Variants in CLIC5 observed in about 807,000 individuals in gnomAD.
CLIC5 encodes the protein CLIC family member 5.
Under a neutral mutation model 24.7 loss-of-function variants are expected in CLIC5, and 20 were observed. The observed-to-expected ratio is 0.81, with a 90% CI of 0.57 to 1.18. The LOEUF (loss-of-function observed/expected upper bound fraction) is 1.18, where lower values mean the gene tolerates loss of function less well. CLIC5 is among the 50% of genes most tolerant of loss of function. The pLI, the probability that CLIC5 is intolerant of heterozygous loss-of-function variation, is 0.00. For missense variants in CLIC5, 341 were observed against 326.1 expected, an observed-to-expected ratio of 1.05 and a Z score of -0.35; for synonymous variants, 159 against 135.6, an observed-to-expected ratio of 1.17 and a Z score of -1.20.
At chr6:46,060,983 C>T (rs929932589) in intron 1 of CLIC5, among the ~76,000 whole-genome samples, 2 of 152,176 alleles carry the variant, frequency 1.3e-5, no homozygotes, top group Non-Finnish European at 2.9e-5. Context: ...GCAGTATCTG[C>T]ACATTAGGTA....
At chr6:46,100,259 A>T in the CLIC5 span, among the ~76,000 whole-genome samples, 1 of 152,256 alleles carries the variant, frequency 6.6e-6, no homozygotes, top group African/African-American at 2.4e-5. Context: ...GGATATTGCC[A>T]GGAAAAAACA....
At chr6:46,125,368 T>C in the CLIC5 span, among the ~76,000 whole-genome samples, 2 of 151,996 alleles carry the variant, frequency 1.3e-5, no homozygotes, top group South Asian at 2.1e-4. Flanking sequence ...TAGGTGGGAA[T>C]TGAACAATGA....
chr6:46,068,353 T>TAC (rs1762499106), intron 1 of CLIC5, among the ~76,000 whole-genome samples: 1 of 152,162 alleles, frequency 6.6e-6, no homozygotes, highest in Non-Finnish European at 1.5e-5. Flanking sequence ...CTACCACTCT[T>TAC]ACTACTGCTG....
At chr6:46,093,791 GA>G in the CLIC5 span, among the ~76,000 whole-genome samples, 2 of 152,150 alleles carry the variant, frequency 1.3e-5, no homozygotes, top group African/African-American at 4.8e-5. Flanking sequence ...ATTTATCAAA[GA>G]AAGATGAAAA....
At chr6:45,942,820 A>T (rs1764177748) in intron 3 of CLIC5, among the ~76,000 whole-genome samples, 1 of 152,248 alleles carries the variant, frequency 6.6e-6, no homozygotes, top group South Asian at 2.1e-4. Flanking sequence ...CCATTGGAAG[A>T]GTCCAGCTCT....
At chr6:45,957,720 G>A (rs1363317589) in intron 1 of CLIC5, among the ~76,000 whole-genome samples, 3 of 152,208 alleles carry the variant, frequency 2.0e-5, no homozygotes, top group African/African-American at 7.2e-5. Context: ...ATGCGAGGAT[G>A]CTACCATTTA....
At chr6:45,914,613 A>G (rs1561927805) in intron 4 of CLIC5, 9 of 981,332 alleles carry the variant, frequency 9.2e-6, no homozygotes, top group Non-Finnish European at 1.2e-5. Context: ...ACTCTAACCA[A>G]ACAATAAACA....
chr6:46,081,253 G>C (rs1762914978), upstream of CLIC5, among the ~76,000 whole-genome samples: 1 of 152,124 alleles, frequency 6.6e-6, no homozygotes, highest in African/African-American at 2.4e-5. Context: ...TTTTAATCTG[G>C]TACTCTATCC....
intron 5 of CLIC5, among the ~76,000 whole-genome samples, chr6:45,906,236 T>C (rs72871415): frequency 0.02 from 2,972 of 152,282 alleles, 41 homozygotes; most frequent in Admixed American, 0.034. Context: ...TAGTTTTTTC[T>C]AGTTATGTGA....
At chr6:46,063,642 A>C (rs973937754) in intron 1 of CLIC5, among the ~76,000 whole-genome samples, 9 of 152,204 alleles carry the variant, frequency 5.9e-5, no homozygotes, top group African/African-American at 2.2e-4. Context: ...GGAGAAAACT[A>C]TCAAGTATGG....
chr6:46,096,970 T>C, the CLIC5 span: 1 of 152,238 alleles, frequency 6.6e-6, no homozygotes, highest in South Asian at 2.1e-4. Flanking sequence ...CCTAGGGGGA[T>C]GGGATATTCT....
intron 1 of CLIC5, among the ~76,000 whole-genome samples, chr6:46,043,768 A>G (rs1433493877): frequency 7.1e-6 from 1 of 141,360 alleles, no homozygotes; most frequent in East Asian, 2.0e-4. Flanking sequence ...GCACTGTGCT[A>G]TGTCTCCATT....
In CLIC5 at chr6:46,051,445, G is replaced by C. The variant is rs574253855; in HGVS notation, c.540+28258C>G. Among the ~76,000 whole-genome samples the C allele has an allele frequency of 1.5e-4, 23 of 152,288 alleles. 1 individual carries two copies. The South Asian group carries it at 4.1e-3, about 27-fold the overall frequency. On this transcript the variant is annotated intron_variant, in intron 1 of 5. Coordinates refer to the CLIC5 transcript ENST00000185206. ...GATTGCTGAGTCTCTTGTTTCTCTA[G>C]CTCAAGTCTTCACTTGTAAAGTGAG...
chr6:45,955,113 T>G, intron 2 of CLIC5, 22 bp downstream of exon 2: 1 of 1,563,852 alleles, frequency 6.4e-7, no homozygotes, highest in Non-Finnish European at 8.8e-7. Flanking sequence ...AACATACTCC[T>G]CATTTATGCA....
chr6:45,896,182 ATTTAC>A (rs1195469890), downstream of CLIC5, among the ~76,000 whole-genome samples: 1 of 152,180 alleles, frequency 6.6e-6, no homozygotes, highest in East Asian at 1.9e-4. Context: ...ATACTCTGAA[ATTTAC>A]TTTAAAAGAA....
rs1214234051 is a variant in CLIC5, at chr6:45,902,594, C to T, written c.*494G>A. ...TTTGCCAGACACCCAAGTCCATAGC[C>T]AGCTCGGTACTCCTCCATTCACTCT... On this transcript the variant is annotated 3_prime_UTR_variant, in exon 6 of 6. Transcript: ENST00000339561. The T allele has an allele frequency of 1.3e-5, 2 of 156,298 alleles. No individual in the cohort carries two copies. The highest frequency in any genetic ancestry group is 6.1e-5 in the Admixed American group (1 of 16,460). 9.7% of individuals were successfully genotyped at this position (156,298 alleles called of 1,614,324 possible). A position where few individuals can be genotyped will look rare whatever the true frequency, so the allele number is the denominator to read the frequency against.
intron 1 of CLIC5, among the ~76,000 whole-genome samples, chr6:46,034,778 A>G (rs1158870259): frequency 6.6e-6 from 1 of 152,082 alleles, no homozygotes; most frequent in African/African-American, 2.4e-5. Flanking sequence ...ATATCTCAAA[A>G]CTTCTTATAG....
chr6:45,977,922 C>T (rs901426042), intron 1 of CLIC5, among the ~76,000 whole-genome samples: 1 of 152,182 alleles, frequency 6.6e-6, no homozygotes, highest in African/African-American at 2.4e-5. Context: ...CAGTGGGTTT[C>T]CACTCAGCGT....
chr6:45,887,661 T>C (rs1762316876), intron 6 of CLIC5, among the ~76,000 whole-genome samples: 1 of 152,218 alleles, frequency 6.6e-6, no homozygotes, highest in Admixed American at 6.5e-5. Context: ...TGGAAGGTGA[T>C]GGAAGTTTTG....
Sources: gnomAD v4.1 joint callset for allele counts (sites outside exome capture counted in the v4.1 genomes callset) on GRCh38, gnomAD v4.1.1 for gene constraint, MANE v1.5 for transcripts, NCBI Gene and HGNC (gene_info 2026-07-23, HGNC 2026-07-21) for gene names.